The following CES5A variants were observed in gnomAD, a reference collection of about 807,000 sequenced individuals.
CES5A encodes the protein carboxylesterase 5A, also known as carboxylesterase 5.
In CES5A, 67 loss-of-function variants were observed where a neutral mutation model predicts 62.9. The ratio of observed to expected loss-of-function variants is 1.07; its 90% CI spans 0.88 to 1.31. CES5A has a LOEUF of 1.31. CES5A is among the 50% of genes most tolerant of loss of function. The pLI is 0.00. For missense variants in CES5A, 748 were observed against 708.5 expected (o/e 1.06, Z -0.63); for synonymous variants, 296 against 280.8 (o/e 1.05, Z -0.54).
intron 1 of CES5A, among the ~76,000 whole-genome samples, chr16:55,892,721 C>CAA (rs1402900495): frequency 1.1e-5 from 1 of 87,076 alleles, no homozygotes; most frequent in African/African-American, 3.2e-5. Flanking sequence ...ACAACAACAA[C>CAA]AACAAAAAAA....
rs183860763 is a variant in CES5A at position 55,869,580 on chromosome 16, T to C, written c.551+31A>G. 35 of 1,609,726 alleles carry C rather than the reference T, an allele frequency of 2.2e-5. No individual in the cohort carries two copies. The African/African-American group carries it at 4.4e-4, about 20-fold the overall frequency. On this transcript the variant is annotated intron_variant, in intron 4 of 12. Coordinates refer to ENST00000290567, the MANE Select transcript of CES5A (RefSeq NM_001143685.2). The stretch of plus-strand genomic sequence containing the variant: ...CTACTGCACTGCTGCCCTTTGGGGA[T>C]CTGGGATGTCCATCATTTGGAGAGA...
intron 1 of CES5A, among the ~76,000 whole-genome samples, chr16:55,905,453 G>GC (rs1246425541): frequency 8.0e-5 from 12 of 149,942 alleles, no homozygotes; most frequent in African/African-American, 3.0e-4. Context: ...TGCAACCTCC[G>GC]CCCCCCAAGT....
chr16:55,891,028 G>A (rs557144376), intron 1 of CES5A, among the ~76,000 whole-genome samples: 4 of 151,180 alleles, frequency 2.6e-5, no homozygotes, highest in Admixed American at 6.6e-5. Flanking sequence ...GACTCATTCC[G>A]ATTATCTGCT....
At chr16:55,915,293 AC>A (rs1414614232) in intron 1 of CES5A, among the ~76,000 whole-genome samples, 4 of 152,194 alleles carry the variant, frequency 2.6e-5, no homozygotes, top group African/African-American at 9.6e-5. Context: ...TGCCAGGCAC[AC>A]CCGCTGAATG....
intron 1 of CES5A, among the ~76,000 whole-genome samples, chr16:55,904,353 C>G (rs914995222): frequency 6.6e-6 from 1 of 152,164 alleles, no homozygotes; most frequent in Admixed American, 6.5e-5. Context: ...GAAGGAGTAC[C>G]AGGATGGGGG....
chr16:55,853,675 G>T (rs2033175871), intron 9 of CES5A, among the ~76,000 whole-genome samples: 1 of 152,132 alleles, frequency 6.6e-6, no homozygotes, highest in South Asian at 2.1e-4. Context: ...TAGTCCTGTT[G>T]TTTCCCCTGG....
At position 55,846,192 on chromosome 16, in the gene CES5A, A is replaced by G. The variant is rs1025251323; in HGVS notation, c.*259T>C. ...CTGATTTTATTTCATATGAGTTACA[A>G]AACCATTATTATGACAACTAATAGG... On this transcript the variant is annotated 3_prime_UTR_variant, in exon 13 of 13. Coordinates refer to ENST00000290567, the MANE Select transcript of CES5A (RefSeq NM_001143685.2). 1.7e-5 allele frequency: 9 copies of G among 522,338 alleles called. No homozygotes were observed. Among genetic ancestry groups the G allele is most frequent in the African/African-American group, 1.7e-4 (9 of 52,308 alleles). 32.4% of individuals were successfully genotyped at this position (522,338 alleles called of 1,614,324 possible).
intron 8 of CES5A, among the ~76,000 whole-genome samples, chr16:55,859,177 A>T (rs1345504874): frequency 6.6e-6 from 1 of 152,272 alleles, no homozygotes; most frequent in Admixed American, 6.5e-5. Context: ...GATGTGAAAA[A>T]TTTGAAGGAC....
upstream of CES5A, among the ~76,000 whole-genome samples, chr16:55,879,165 C>T (rs138678255): frequency 1.4e-4 from 21 of 150,096 alleles, no homozygotes; most frequent in Non-Finnish European, 2.7e-4. Flanking sequence ...ATCACTGCAC[C>T]CCACCACTGC....
chr16:55,949,844 G>C (rs1447995353), exon 2 of CES5A: 2 of 1,526,848 alleles, frequency 1.3e-6, no homozygotes, highest in Non-Finnish European at 1.8e-6. Context: ...AGTTGAGGAG[G>C]CTGGATAAAA....
chr16:55,853,054 G>A, intron 9 of CES5A, 26 bp from the exon 10 acceptor site: 3 of 1,612,456 alleles, frequency 1.9e-6, no homozygotes, highest in East Asian at 2.2e-5. Context: ...AGTCCTAGGA[G>A]ATCCAGGTCA....
chr16:55,955,039 A>T (rs2034594303), intron 1 of CES5A, among the ~76,000 whole-genome samples: 1 of 152,128 alleles, frequency 6.6e-6, no homozygotes, highest in East Asian at 1.9e-4. Flanking sequence ...TAAAGCTCTG[A>T]TGCATTGTCT....
intron 2 of CES5A, among the ~76,000 whole-genome samples, chr16:55,931,790 G>C (rs2034314886): frequency 6.6e-6 from 1 of 152,190 alleles, no homozygotes; most frequent in Admixed American, 6.5e-5. Flanking sequence ...ACTCAACCAT[G>C]AGATTTCTGA....
At chr16:55,903,678 G>C (rs1360563680) in intron 1 of CES5A, among the ~76,000 whole-genome samples, 2 of 152,224 alleles carry the variant, frequency 1.3e-5, no homozygotes, top group Admixed American at 1.3e-4. Flanking sequence ...CTGCTGAGCA[G>C]TGTTATCAGG....
intron 1 of CES5A, among the ~76,000 whole-genome samples, chr16:55,897,085 C>A (rs575261869): frequency 1.3e-5 from 2 of 151,844 alleles, no homozygotes; most frequent in Non-Finnish European, 2.9e-5. Flanking sequence ...TACCTCAGGG[C>A]CTTCTCACTG....
At chr16:55,886,880 A>C (rs376114822) in intron 1 of CES5A, among the ~76,000 whole-genome samples, 1 of 151,962 alleles carries the variant, frequency 6.6e-6, no homozygotes, top group Non-Finnish European at 1.5e-5. Flanking sequence ...ATAGGATGTA[A>C]TCACATCAAC....
chr16:55,874,875 G>T (rs111721474), intron 1 of CES5A, among the ~76,000 whole-genome samples: 1 of 152,144 alleles, frequency 6.6e-6, no homozygotes, highest in Non-Finnish European at 1.5e-5. Flanking sequence ...TGTTCCTCAC[G>T]CTTCTCCAGT....
At chr16:55,868,892 G>C (rs1446940004) in intron 4 of CES5A, among the ~76,000 whole-genome samples, 1 of 152,244 alleles carries the variant, frequency 6.6e-6, no homozygotes, top group Non-Finnish European at 1.5e-5. Context: ...AATAACAACA[G>C]AGAACCTTCC....
At chr16:55,908,862 A>T (rs2034065131) in intron 1 of CES5A, among the ~76,000 whole-genome samples, 1 of 152,230 alleles carries the variant, frequency 6.6e-6, no homozygotes, top group African/African-American at 2.4e-5. Context: ...TGCAGTGGAC[A>T]TGGTCACTTA....
Sources: gnomAD v4.1 joint callset for allele counts (sites outside exome capture counted in the v4.1 genomes callset) on GRCh38, gnomAD v4.1.1 for gene constraint, MANE v1.5 for transcripts, NCBI Gene and HGNC (gene_info 2026-07-23, HGNC 2026-07-21) for gene names.